Variants in IQCM observed in about 807,000 individuals in gnomAD.
IQCM encodes IQ domain-containing protein M.
A neutral mutation model predicts 57.6 loss-of-function variants in IQCM; 45 were observed. The observed-to-expected ratio is 0.78, with a 90% CI of 0.62 to 1.00. The LOEUF is 1.00. Among genes scored for constraint, IQCM ranks in the 50% least tolerant of loss-of-function variants. The probability of loss-of-function intolerance (pLI) is 0.00; values close to 1 mark genes in which losing one functional copy is unlikely to be tolerated. For synonymous variants in IQCM, 148 were observed against 158.9 expected (o/e 0.93, Z 0.51); for missense variants, 468 against 511.6 (o/e 0.91, Z 0.82).
At position 149,815,338 on chromosome 4, in the gene IQCM, T is replaced by C. The variant is rs983039278; in HGVS notation, c.-76A>G. On this transcript the variant is annotated 5_prime_UTR_variant, in exon 2 of 14. Transcript: ENST00000636793. Reference sequence around the variant, plus strand: ...TAAAGTTTTTCATTCCAAGGTCATTTGTTCTTCTTCCTAGAAGGCACAGGA... The same window carrying C: ...TAAAGTTTTTCATTCCAAGGTCATTCGTTCTTCTTCCTAGAAGGCACAGGA... 6.6e-6 allele frequency: 1 copy of C among 151,988 alleles called. No individual in the cohort carries two copies. Among genetic ancestry groups the C allele is most frequent in the Non-Finnish European group, 1.5e-5 (1 of 67,904 alleles). 9.4% of individuals were successfully genotyped at this position (151,988 alleles called of 1,614,324 possible).
At chr4:149,770,239 A>G (rs1770444279) in intron 2 of IQCM, among the ~76,000 whole-genome samples, 1 of 152,104 alleles carries the variant, frequency 6.6e-6, no homozygotes, top group African/African-American at 2.4e-5. Context: ...TCTAAAAGAT[A>G]CCAACTACCA....
intron 2 of IQCM, among the ~76,000 whole-genome samples, chr4:149,767,945 T>C (rs1450705749): frequency 6.6e-6 from 1 of 152,136 alleles, no homozygotes. Flanking sequence ...ATCTGTTTTA[T>C]GGTTTACAGT....
chr4:149,648,954 A>G (rs6833076), intron 7 of IQCM, among the ~76,000 whole-genome samples: 69,280 of 151,942 alleles, frequency 0.46, 16,062 homozygotes, highest in South Asian at 0.58. Flanking sequence ...ATTTGCGTAA[A>G]TTACCTTTAT....
intron 12 of IQCM, among the ~76,000 whole-genome samples, chr4:149,508,009 G>T (rs916749622): frequency 6.6e-6 from 1 of 151,802 alleles, no homozygotes; most frequent in East Asian, 2.0e-4. Context: ...CTGCTTCAGA[G>T]GGTGGAAGCT....
intron 2 of IQCM, among the ~76,000 whole-genome samples, chr4:149,751,631 C>G (rs1032874388): frequency 6.6e-6 from 1 of 152,150 alleles, no homozygotes; most frequent in African/African-American, 2.4e-5. Flanking sequence ...ACTGCAAGAC[C>G]AAATGAATGA....
intron 5 of IQCM, among the ~76,000 whole-genome samples, chr4:149,698,215 G>A (rs1337986679): frequency 6.6e-6 from 1 of 151,888 alleles, no homozygotes; most frequent in Non-Finnish European, 1.5e-5. Flanking sequence ...CCATGTGTTA[G>A]GGACCATGGA....
chr4:149,368,682 G>T (rs187210354), intron 13 of IQCM, among the ~76,000 whole-genome samples: 16 of 148,120 alleles, frequency 1.1e-4, no homozygotes, highest in Non-Finnish European at 7.5e-5. Context: ...TAAGGGGAAT[G>T]ATTGGAAAAT....
intron 2 of IQCM, among the ~76,000 whole-genome samples, chr4:149,765,645 A>C (rs1355375663): frequency 1.3e-5 from 2 of 152,116 alleles, no homozygotes; most frequent in Non-Finnish European, 1.5e-5. Flanking sequence ...AATTCTGCTA[A>C]AATGTTAGTG....
At chr4:149,798,104 A>C (rs1460552776) in intron 2 of IQCM, among the ~76,000 whole-genome samples, 5 of 152,080 alleles carry the variant, frequency 3.3e-5, no homozygotes, top group African/African-American at 1.2e-4. Flanking sequence ...ACTAGTAATG[A>C]ACCAATCAAA....
chr4:149,537,169 A>G (rs1335978126), intron 12 of IQCM, among the ~76,000 whole-genome samples: 1 of 151,998 alleles, frequency 6.6e-6, no homozygotes, highest in Non-Finnish European at 1.5e-5. Context: ...AAAGAACTCA[A>G]AGATACTATT....
At chr4:149,628,532 G>A (rs1757000177) in intron 7 of IQCM, among the ~76,000 whole-genome samples, 1 of 152,024 alleles carries the variant, frequency 6.6e-6, no homozygotes, top group South Asian at 2.1e-4. Context: ...TTATAAGAGA[G>A]AAGATTATAG....
rs540727173 is a variant in IQCM, at chr4:149,549,679, A to G, written c.1094-1090T>C. 5.3e-5 allele frequency among the ~76,000 whole-genome samples: 8 copies of G among 152,290 alleles called. No homozygotes were observed. The South Asian group carries it at 1.4e-3, about 28-fold the overall frequency. ...TGTATCCTGTAAATGTTGATTGTGTAAGTCAACATTTATAGGATGTCAGGG... is the reference window on the plus strand; with the variant it reads ...TGTATCCTGTAAATGTTGATTGTGTGAGTCAACATTTATAGGATGTCAGGG... On this transcript the variant is annotated intron_variant, in intron 11 of 13. Coordinates refer to ENST00000636793, the MANE Select transcript of IQCM (RefSeq NM_001363507.2).
At chr4:149,554,573 C>CA (rs1749363722) in intron 10 of IQCM, among the ~76,000 whole-genome samples, 1 of 152,008 alleles carries the variant, frequency 6.6e-6, no homozygotes, top group Non-Finnish European at 1.5e-5. Context: ...CTCGGCCTCC[C>CA]AAAGTGCTGG....
intron 12 of IQCM, among the ~76,000 whole-genome samples, chr4:149,490,786 ACCTACTTCTAAT>A (rs1742009377): frequency 6.6e-6 from 1 of 152,046 alleles, no homozygotes; most frequent in Non-Finnish European, 1.5e-5. Flanking sequence ...ACAAAATATT[ACCTACTTCTAAT>A]AATGCATATG....
intron 13 of IQCM, among the ~76,000 whole-genome samples, chr4:149,357,367 T>A (rs563396040): frequency 1.3e-5 from 2 of 152,328 alleles, no homozygotes; most frequent in East Asian, 3.9e-4. Flanking sequence ...TTCAGTATGA[T>A]ATTGGCTGTG....
rs1490772418 is a variant in IQCM, at chr4:149,815,803, A to T, written c.-290T>A. 1 of 151,964 alleles carries T rather than the reference A, an allele frequency of 6.6e-6. No homozygotes were observed. Among genetic ancestry groups the T allele is most frequent in the Non-Finnish European group, 1.5e-5 (1 of 67,892 alleles). The allele number at this position is 151,964 out of a possible 1,614,324, so 9.4% of individuals were successfully genotyped here. On this transcript the variant is annotated 5_prime_UTR_variant, in exon 1 of 14. Transcript: ENST00000636793. Reference sequence around the variant, plus strand: ...TTCAAATAGATTCCTAAATCCTGCCAATCTTCTGATTGCTTCTTCTCACAT... The same window carrying T: ...TTCAAATAGATTCCTAAATCCTGCCTATCTTCTGATTGCTTCTTCTCACAT...
intron 8 of IQCM, among the ~76,000 whole-genome samples, chr4:149,611,426 T>G (rs1316846175): frequency 6.6e-6 from 1 of 151,998 alleles, no homozygotes; most frequent in African/African-American, 2.4e-5. Context: ...AGATATAGTA[T>G]CAACCTAAAA....
chr4:149,709,580 G>A (rs945486540), intron 5 of IQCM, among the ~76,000 whole-genome samples: 13 of 152,066 alleles, frequency 8.5e-5, no homozygotes. Context: ...AACAACATAG[G>A]AAATGGAGGA....
At chr4:149,762,488 C>G (rs531639610) in intron 2 of IQCM, among the ~76,000 whole-genome samples, 106 of 151,992 alleles carry the variant, frequency 7.0e-4, no homozygotes, top group Non-Finnish European at 1.4e-3. Context: ...AAGTAATGAA[C>G]AGAACAAGAT....
Sources: allele counts gnomAD v4.1 joint callset (sites outside exome capture counted in the v4.1 genomes callset), GRCh38; gene constraint gnomAD v4.1.1; transcripts MANE v1.5; gene names NCBI Gene and HGNC (gene_info 2026-07-23, HGNC 2026-07-21).